The following FAR2 variants were observed in gnomAD, a reference collection of about 807,000 sequenced individuals.
FAR2 encodes the protein fatty acyl-CoA reductase 2, also known as epididymis secretory protein Li 81.
FAR2 carries 19 observed loss-of-function variants against 56.0 expected under a neutral mutation model. The observed-to-expected ratio is 0.34, with a 90% CI of 0.24 to 0.50. The LOEUF is 0.50. FAR2 is among the 20% of genes least tolerant of loss of function. The pLI, the probability that FAR2 is intolerant of heterozygous loss-of-function variation, is 0.98. For synonymous variants in FAR2, 219 were observed against 218.8 expected, an observed-to-expected ratio of 1.00 and a Z score of -0.01; for missense variants, 508 against 642.2, an observed-to-expected ratio of 0.79 and a Z score of 2.26.
At chr12:29,322,429 AC>A (rs1949567576) in intron 10 of FAR2, among the ~76,000 whole-genome samples, 1 of 151,764 alleles carries the variant, frequency 6.6e-6, no homozygotes, top group Admixed American at 6.6e-5. Flanking sequence ...CTCACCTCAG[AC>A]CTCCCTTCAT....
chr12:29,268,026 T>C (rs1289997464), intron 1 of FAR2, among the ~76,000 whole-genome samples: 1 of 152,218 alleles, frequency 6.6e-6, no homozygotes, highest in African/African-American at 2.4e-5. Flanking sequence ...AAAATTTTTT[T>C]AGTAAATAAT....
intron 2 of FAR2, among the ~76,000 whole-genome samples, chr12:29,284,732 G>A (rs1390792929): frequency 1.3e-5 from 2 of 152,050 alleles, no homozygotes; most frequent in South Asian, 2.1e-4. Flanking sequence ...AATTAACTTC[G>A]AACTAAGAAA....
intron 10 of FAR2, among the ~76,000 whole-genome samples, chr12:29,324,273 T>C (rs1034620649): frequency 6.6e-6 from 1 of 152,186 alleles, no homozygotes; most frequent in African/African-American, 2.4e-5. Context: ...TACGTCTGAT[T>C]GGTGTACCTG....
chr12:29,293,763 T>C (rs572684645), intron 3 of FAR2, among the ~76,000 whole-genome samples: 1 of 152,342 alleles, frequency 6.6e-6, no homozygotes, highest in African/African-American at 2.4e-5. Flanking sequence ...TTATATTTTT[T>C]GATATCTATC....
chr12:29,211,567 T>G (rs1947549333), intron 1 of FAR2, among the ~76,000 whole-genome samples: 1 of 152,196 alleles, frequency 6.6e-6, no homozygotes, highest in South Asian at 2.1e-4. Context: ...CAGGTTTTTC[T>G]GCTCCTATTG....
chr12:29,173,001 G>A (rs1202997555), intron 1 of FAR2, among the ~76,000 whole-genome samples: 1 of 152,118 alleles, frequency 6.6e-6, no homozygotes, highest in Non-Finnish European at 1.5e-5. Flanking sequence ...AAGATACCAG[G>A]TATCTCCAAA....
At chr12:29,190,523 GGT>G (rs1367072495) in intron 1 of FAR2, among the ~76,000 whole-genome samples, 1 of 152,080 alleles carries the variant, frequency 6.6e-6, no homozygotes, top group African/African-American at 2.4e-5. Flanking sequence ...GGAGTGCAGT[GGT>G]GCAATCTCAG....
In FAR2 at chr12:29,190,540, C is replaced by CT. The variant is rs558426179; in HGVS notation, c.-39+41134dup. 1.4e-3 allele frequency among the ~76,000 whole-genome samples: 215 copies of CT among 152,272 alleles called. 1 individual carries two copies. In the South Asian group the frequency reaches 0.02, roughly 14 times the overall value. On this transcript the variant is annotated intron_variant, in intron 1 of 11. Transcript: ENST00000536681. ...AGTGCAGTGGTGCAATCTCAGCTCA[C>CT]TGAAATCTCCGACTCCCGGGTTAGA...
At chr12:29,318,974 C>CT (rs35945379) in intron 9 of FAR2, among the ~76,000 whole-genome samples, 36 of 148,904 alleles carry the variant, frequency 2.4e-4, no homozygotes, top group Non-Finnish European at 3.9e-4. Context: ...GTACAAAAGT[C>CT]TTTTTTTTTT....
chr12:29,312,183 T>C (rs1271141999), intron 8 of FAR2, among the ~76,000 whole-genome samples: 1 of 152,122 alleles, frequency 6.6e-6, no homozygotes, highest in Non-Finnish European at 1.5e-5. Flanking sequence ...AGGGGTCCAT[T>C]GGCTATAGCG....
chr12:29,242,414 A>G (rs1005357281), intron 1 of FAR2, among the ~76,000 whole-genome samples: 3 of 152,176 alleles, frequency 2.0e-5, no homozygotes, highest in Admixed American at 6.5e-5. Flanking sequence ...AAACGCCCAC[A>G]CTTACTAAGT....
intron 1 of FAR2, among the ~76,000 whole-genome samples, chr12:29,259,296 G>A (rs768788622): frequency 2.6e-5 from 4 of 152,136 alleles, no homozygotes; most frequent in African/African-American, 4.8e-5. Context: ...AGCATCCTAC[G>A]TTGCACTGGA....
intron 2 of FAR2, 152 bp from the exon 3 acceptor site, chr12:29,293,148 T>C (rs1197650018): frequency 1.7e-6 from 1 of 589,398 alleles, no homozygotes; most frequent in Non-Finnish European, 2.7e-6. Flanking sequence ...ATTACAGGCA[T>C]ATGCCACCAT....
chr12:29,206,186 C>A (rs569930327), intron 1 of FAR2, among the ~76,000 whole-genome samples: 1 of 152,332 alleles, frequency 6.6e-6, no homozygotes, highest in South Asian at 2.1e-4. Context: ...AGAATTGAAC[C>A]AAGCAGCTTG....
chr12:29,321,940 A>C lies in FAR2; in HGVS notation c.1257+16A>C. ...AGACCAGAGAGTAAGTAGAGCACTG[A>C]CTTAAGCACCAGGAAAATGCTACTC... On this transcript the variant is annotated intron_variant, in intron 10 of 11. Transcript: ENST00000536681. 1 of 1,597,894 alleles carries C rather than the reference A, an allele frequency of 6.3e-7. No individual in the cohort carries two copies. Among genetic ancestry groups the C allele is most frequent in the Non-Finnish European group, 8.5e-7 (1 of 1,173,224 alleles).
At chr12:29,179,257 G>T (rs1949969484) in intron 1 of FAR2, among the ~76,000 whole-genome samples, 1 of 152,192 alleles carries the variant, frequency 6.6e-6, no homozygotes, top group African/African-American at 2.4e-5. Context: ...TAATTGCATT[G>T]TGTGTGACTC....
At chr12:29,316,372 C>A (rs145631026) in intron 8 of FAR2, among the ~76,000 whole-genome samples, 1 of 152,140 alleles carries the variant, frequency 6.6e-6, no homozygotes, top group African/African-American at 2.4e-5. Flanking sequence ...ACAAAGAAAT[C>A]TTGCCTTGAG....
chr12:29,177,830 A>G (rs977488090), intron 1 of FAR2, among the ~76,000 whole-genome samples: 6 of 75,484 alleles, frequency 7.9e-5, no homozygotes, highest in African/African-American at 2.1e-4. Context: ...TTGTAGTATA[A>G]GCACAAAAAA....
At chr12:29,214,308 T>A (rs535415307) in intron 1 of FAR2, among the ~76,000 whole-genome samples, 214 of 152,304 alleles carry the variant, frequency 1.4e-3, no homozygotes, top group African/African-American at 4.9e-3. Flanking sequence ...TAGGAGCACA[T>A]TACACACTCT....
Sources: allele counts gnomAD v4.1 joint callset (sites outside exome capture counted in the v4.1 genomes callset), GRCh38; gene constraint gnomAD v4.1.1; transcripts MANE v1.5; gene names NCBI Gene and HGNC (gene_info 2026-07-23, HGNC 2026-07-21).